USP42: variants seen among roughly 807,000 people sequenced by gnomAD.
USP42 encodes ubiquitin specific peptidase 42.
In USP42, 23 loss-of-function variants were observed where a neutral mutation model predicts 113.0. That is an observed-to-expected ratio of 0.20 (90% CI 0.15 to 0.29). The LOEUF is 0.29. Among genes scored for constraint, USP42 ranks in the 10% least tolerant of loss-of-function variants. The pLI, the probability that USP42 is intolerant of heterozygous loss-of-function variation, is 1.00. For synonymous variants in USP42, 933 were observed against 699.0 expected (o/e 1.33, Z -5.28); for missense variants, 2,174 against 1,779.8 (o/e 1.22, Z -3.99).
At chr7:6,095,957 G>C in the USP42 span, among the ~76,000 whole-genome samples, 122 of 150,368 alleles carry the variant, frequency 8.1e-4, 7 homozygotes, top group African/African-American at 3.0e-3. Context: ...TAGAGACAGA[G>C]TCTTACTGTG....
intron 1 of USP42, among the ~76,000 whole-genome samples, chr7:6,109,320 T>G (rs1219231683): frequency 1.3e-5 from 2 of 152,096 alleles, no homozygotes; most frequent in Non-Finnish European, 2.9e-5. Flanking sequence ...GGTCAGACAA[T>G]GTGAAGTCCA....
chr7:6,140,442 G>A (rs547487969), intron 6 of USP42, among the ~76,000 whole-genome samples: 1 of 152,192 alleles, frequency 6.6e-6, no homozygotes. Flanking sequence ...CGTATTAGCA[G>A]TCTTTTACAT....
chr7:6,152,277 C>T (rs1397619283), intron 14 of USP42, among the ~76,000 whole-genome samples: 2 of 152,086 alleles, frequency 1.3e-5, no homozygotes, highest in Admixed American at 6.5e-5. Context: ...ATCAGGAAGT[C>T]GTGTTCTCAT....
At chr7:6,123,884 CT>C (rs796386554) in intron 3 of USP42, among the ~76,000 whole-genome samples, 1 of 142,654 alleles carries the variant, frequency 7.0e-6, no homozygotes, top group Admixed American at 6.9e-5. Context: ...TATCGTTTCT[CT>C]TTTTTTTTGA....
rs755928003 is a variant in USP42 at position 6,150,476 on chromosome 7, A to T, written c.2171A>T (p.Asn724Ile). ...ATCTTAGAGACCTTCAGGCTTAGCA[A>T]CAAACTGAAAGGCTCGACGGATGAA... ...DKILETFRLS[N>I]KLKGSTDEMS... The change falls in exon 14 of 18, where the codon AAC (asparagine) becomes ATC (isoleucine). Residue 724 changes from asparagine (N) to isoleucine (I), a missense_variant. Transcript: ENST00000306177. 2.5e-6 allele frequency: 4 copies of T among 1,613,888 alleles called. No homozygotes were observed.
At chr7:6,137,690 T>C (rs1781221232) in intron 4 of USP42, among the ~76,000 whole-genome samples, 1 of 151,406 alleles carries the variant, frequency 6.6e-6, no homozygotes, top group South Asian at 2.1e-4. Flanking sequence ...TTTTATTCAT[T>C]TATTTTTGAG....
At chr7:6,135,145 A>T (rs967315533) in intron 3 of USP42, among the ~76,000 whole-genome samples, 1 of 152,242 alleles carries the variant, frequency 6.6e-6, no homozygotes, top group African/African-American at 2.4e-5. Context: ...GTTTGAGATA[A>T]ATAGTGGTGT....
upstream of USP42, among the ~76,000 whole-genome samples, chr7:6,101,985 A>G (rs2128469177): frequency 6.6e-6 from 1 of 150,548 alleles, no homozygotes; most frequent in African/African-American, 2.5e-5. Context: ...AGGCAGAAGA[A>G]TTGCTTGAAC....
upstream of USP42, among the ~76,000 whole-genome samples, chr7:6,104,510 G>A (rs1240209842): frequency 6.6e-6 from 1 of 152,274 alleles, no homozygotes; most frequent in African/African-American, 2.4e-5. Flanking sequence ...TTCGGGGGAC[G>A]GGGATCCCAG....
At chr7:6,127,353 T>C (rs771614092) in intron 3 of USP42, among the ~76,000 whole-genome samples, 4 of 152,224 alleles carry the variant, frequency 2.6e-5, no homozygotes, top group Non-Finnish European at 5.9e-5. Flanking sequence ...TTAATATCTC[T>C]TTGCCTAGCT....
chr7:6,101,945 G>T (rs1010743376), upstream of USP42, among the ~76,000 whole-genome samples: 3 of 149,160 alleles, frequency 2.0e-5, no homozygotes, highest in Non-Finnish European at 2.9e-5. Context: ...AAAATTAGCC[G>T]GGTACAGTGG....
the USP42 span, among the ~76,000 whole-genome samples, chr7:6,092,023 CTT>C: frequency 4.6e-5 from 5 of 108,386 alleles, no homozygotes; most frequent in Admixed American, 1.0e-4. Flanking sequence ...TCTTCTTCTT[CTT>C]CTTCTTCTTC....
intron 3 of USP42, among the ~76,000 whole-genome samples, chr7:6,130,811 A>G (rs1254415939): frequency 2.6e-5 from 4 of 152,294 alleles, no homozygotes; most frequent in East Asian, 3.9e-4. Flanking sequence ...TTATGCTCAC[A>G]GGGCACACCA....
In USP42 at chr7:6,149,472, G is replaced by A. The variant is rs1781909163; in HGVS notation, c.1387-111G>A. On this transcript the variant is annotated intron_variant, in intron 12 of 17. Coordinates refer to ENST00000306177, the MANE Select transcript of USP42 (RefSeq NM_032172.3). ...ATTTCCAGGTGTATGAAACTTGTTA[G>A]TCCTGAAAAAAAAAAAAAGCAAAAT... 3.9e-6 allele frequency: 5 copies of A among 1,294,528 alleles called. 1 individual carries two copies. In the Middle Eastern group the frequency reaches 8.3e-4, roughly 216 times the overall value. The allele number at this position is 1,294,528 out of a possible 1,614,324, so 80.2% of individuals were successfully genotyped here. A position where few individuals can be genotyped will look rare whatever the true frequency, so the allele number is the denominator to read the frequency against.
In USP42 at chr7:6,159,302, C is replaced by T. The variant is rs1361558673; in HGVS notation, c.3944-148C>T. The T allele has an allele frequency of 3.0e-6, 3 of 988,214 alleles. No homozygotes were observed. Among genetic ancestry groups the T allele is most frequent in the Non-Finnish European group, 4.6e-6 (3 of 648,018 alleles). 61.2% of individuals were successfully genotyped at this position (988,214 alleles called of 1,614,324 possible). A position where few individuals can be genotyped will look rare whatever the true frequency, so the allele number is the denominator to read the frequency against. On this transcript the variant is annotated intron_variant, in intron 16 of 17. Transcript: ENST00000306177. This position sits in a 1 kb window ranked among gnomAD's most constrained non-coding sequence, Gnocchi z 4.1. ...GAGCAGCCGCTGAGCGCTGGGACAT[C>T]CCTGCTCACCTCACTGGGGAGTGGC...
intron 9 of USP42, 115 bp from the exon 10 acceptor site, chr7:6,145,399 CAG>C: frequency 8.4e-7 from 1 of 1,196,258 alleles, no homozygotes; most frequent in East Asian, 2.4e-5. Flanking sequence ...TAGAATATCA[CAG>C]GGCTCAGGTG....
intron 15 of USP42, among the ~76,000 whole-genome samples, chr7:6,156,537 T>TGC (rs1782453654): frequency 1.3e-5 from 2 of 152,104 alleles, no homozygotes; most frequent in Admixed American, 1.3e-4. Context: ...GCAGCCTCAA[T>TGC]CTCCTGGGCT....
intron 3 of USP42, chr7:6,128,129 C>G (rs187855557): frequency 6.6e-6 from 1 of 151,896 alleles, no homozygotes; most frequent in Admixed American, 6.6e-5. Flanking sequence ...TTTATTTTTA[C>G]TTTTGTAGAG....
At position 6,111,018 on chromosome 7, in the gene USP42, A is replaced by C. The variant is rs1425223408; in HGVS notation, c.-9-107A>C. 4.1e-6 allele frequency: 5 copies of C among 1,206,840 alleles called. No individual in the cohort carries two copies. In the Admixed American group the frequency reaches 1.4e-4, roughly 34 times the overall value. 74.8% of individuals were successfully genotyped at this position (1,206,840 alleles called of 1,614,324 possible). On this transcript the variant is annotated intron_variant, in intron 1 of 17. Coordinates refer to ENST00000306177, the MANE Select transcript of USP42 (RefSeq NM_032172.3). ...TTTTTATATTTGAGTGATGTGTTTG[A>C]AAATCACTTTAAAATGGCTGGAATG...
Sources: allele counts gnomAD v4.1 joint callset (sites outside exome capture counted in the v4.1 genomes callset), GRCh38; gene constraint gnomAD v4.1.1; non-coding constraint Gnocchi (gnomAD v3.1); transcripts MANE v1.5; gene names NCBI Gene and HGNC (gene_info 2026-07-23, HGNC 2026-07-21).